Variants in PRKAG2 observed in about 807,000 individuals in gnomAD.
PRKAG2 encodes 5'-AMP-activated protein kinase subunit gamma-2.
PRKAG2 carries 26 observed loss-of-function variants against 69.6 expected under a neutral mutation model. The ratio of observed to expected loss-of-function variants is 0.37; its 90% CI spans 0.27 to 0.52. The LOEUF (loss-of-function observed/expected upper bound fraction) is 0.52. Ranked by LOEUF, PRKAG2 falls within the 20% of genes least tolerant of loss-of-function variation. The probability of loss-of-function intolerance (pLI) is 0.90; values close to 1 mark genes in which losing one functional copy is unlikely to be tolerated. For synonymous variants in PRKAG2, 293 were observed against 285.0 expected, an observed-to-expected ratio of 1.03 and a Z score of -0.28; for missense variants, 557 against 740.0, an observed-to-expected ratio of 0.75 and a Z score of 2.87.
intron 1 of PRKAG2, among the ~76,000 whole-genome samples, chr7:151,815,512 C>A (rs992128237): frequency 4.6e-5 from 7 of 152,152 alleles, no homozygotes; most frequent in African/African-American, 1.7e-4. Context: ...GCCCCTGTAC[C>A]CACAGTCCCC....
At chr7:151,810,217 C>T (rs1458670439) in intron 1 of PRKAG2, 2 of 152,214 alleles carry the variant, frequency 1.3e-5, no homozygotes, top group Non-Finnish European at 2.9e-5. Flanking sequence ...TGTAATTCCA[C>T]CCTCAGTTAA....
At chr7:151,666,499 T>C (rs1234136223) in intron 4 of PRKAG2, among the ~76,000 whole-genome samples, 1 of 152,246 alleles carries the variant, frequency 6.6e-6, no homozygotes, top group East Asian at 1.9e-4. Flanking sequence ...TCTGTTATGA[T>C]AGTCCCAGCA....
chr7:151,717,092 T>A lies in PRKAG2; in HGVS notation c.467-41455A>T, dbSNP rs915539620. On this transcript the variant is annotated intron_variant, in intron 3 of 15. Transcript: ENST00000287878. ...CAAAACCCTGTCTCTACTAAAAGTA[T>A]AAAAATTAGTCGAGTTGGGTGACGC... Among the ~76,000 whole-genome samples, 3 of 151,838 alleles carry A rather than the reference T, an allele frequency of 2.0e-5. No homozygotes were observed. In the South Asian group the frequency reaches 6.3e-4, roughly 32 times the overall value.
intron 3 of PRKAG2, among the ~76,000 whole-genome samples, chr7:151,721,987 A>C (rs571086117): frequency 6.6e-6 from 1 of 152,184 alleles, no homozygotes; most frequent in South Asian, 2.1e-4. Context: ...CTTCCCACAC[A>C]ATCACCTTGC....
intron 3 of PRKAG2, among the ~76,000 whole-genome samples, chr7:151,755,028 C>A (rs1164874488): frequency 6.6e-6 from 1 of 152,078 alleles, no homozygotes; most frequent in South Asian, 2.1e-4. Flanking sequence ...GACAAAGGGG[C>A]GATGGAGACC....
intron 5 of PRKAG2, among the ~76,000 whole-genome samples, chr7:151,624,158 G>C (rs1822252008): frequency 6.8e-6 from 1 of 147,850 alleles, no homozygotes. Context: ...GTGTGTGTGT[G>C]TGTGTGTGTA....
At chr7:151,762,390 T>C (rs2075470076) in intron 3 of PRKAG2, among the ~76,000 whole-genome samples, 1 of 152,148 alleles carries the variant, frequency 6.6e-6, no homozygotes, top group Non-Finnish European at 1.5e-5. Flanking sequence ...TTCTTACATA[T>C]ACGACGTATA....
chr7:151,628,321 G>A (rs1415939893), intron 5 of PRKAG2, among the ~76,000 whole-genome samples: 1 of 152,162 alleles, frequency 6.6e-6, no homozygotes, highest in Non-Finnish European at 1.5e-5. Flanking sequence ...GCTTGGTCCT[G>A]GCCAGTAAGT....
chr7:151,660,145 G>C (rs540278629), intron 4 of PRKAG2, among the ~76,000 whole-genome samples: 1 of 152,284 alleles, frequency 6.6e-6, no homozygotes, highest in Non-Finnish European at 1.5e-5. Context: ...AGTATTATTA[G>C]ATCTGAGTAG....
At chr7:151,636,762 T>G (rs1825804296) in intron 4 of PRKAG2, among the ~76,000 whole-genome samples, 1 of 152,166 alleles carries the variant, frequency 6.6e-6, no homozygotes, top group African/African-American at 2.4e-5. Flanking sequence ...TGGAGTGCAG[T>G]AGCGCGATTT....
chr7:151,559,408 G>T, intron 15 of PRKAG2: 1 of 985,378 alleles, frequency 1.0e-6, no homozygotes, highest in Non-Finnish European at 1.2e-6. Flanking sequence ...CTTGAAGTTT[G>T]CAAGTGACTG....
intron 1 of PRKAG2, among the ~76,000 whole-genome samples, chr7:151,786,771 C>T (rs2077032122): frequency 6.6e-6 from 1 of 152,214 alleles, no homozygotes; most frequent in Non-Finnish European, 1.5e-5. Context: ...CATGACCTCC[C>T]AACACCCCAG....
chr7:151,694,549 C>G (rs1253172663), intron 3 of PRKAG2, among the ~76,000 whole-genome samples: 4 of 152,224 alleles, frequency 2.6e-5, no homozygotes, highest in African/African-American at 7.2e-5. Context: ...CTGGCAGTGT[C>G]TGTCCCTTCA....
At chr7:151,690,984 T>G (rs938882722) in intron 3 of PRKAG2, among the ~76,000 whole-genome samples, 3 of 152,192 alleles carry the variant, frequency 2.0e-5, no homozygotes, top group Non-Finnish European at 4.4e-5. Context: ...GCTCAACAAG[T>G]AGACAAATCT....
intron 1 of PRKAG2, among the ~76,000 whole-genome samples, chr7:151,803,180 A>C (rs1403833129): frequency 6.6e-6 from 1 of 151,646 alleles, no homozygotes; most frequent in Non-Finnish European, 1.5e-5. Flanking sequence ...TTGGTCTCGA[A>C]CTCCTGACCT....
At chr7:151,702,304 G>A (rs1263150680) in intron 3 of PRKAG2, among the ~76,000 whole-genome samples, 6 of 152,214 alleles carry the variant, frequency 3.9e-5, no homozygotes, top group African/African-American at 1.4e-4. Flanking sequence ...CCCCAAAAGA[G>A]AGAGGAGGCC....
At position 151,568,655 on chromosome 7, in the gene PRKAG2, G is replaced by A. The variant is rs533594479; in HGVS notation, c.1233+61C>T. The A allele has an allele frequency of 5.3e-5, 83 of 1,572,268 alleles. No individual in the cohort carries two copies. The African/African-American group carries it at 1.1e-3, about 20-fold the overall frequency. ...GAGGGTAACAGGAGCCAATTTACTT[G>A]AAGTACATTATTTAATAAGTAAATG... On this transcript the variant is annotated intron_variant, in intron 11 of 15. Transcript: ENST00000287878.
At chr7:151,717,388 G>A (rs192893005) in intron 3 of PRKAG2, among the ~76,000 whole-genome samples, 2 of 152,266 alleles carry the variant, frequency 1.3e-5, no homozygotes, top group East Asian at 3.9e-4. Context: ...GAAACACCTA[G>A]AACTCCACTC....
intron 3 of PRKAG2, among the ~76,000 whole-genome samples, chr7:151,740,423 A>G (rs148048182): frequency 6.6e-6 from 1 of 150,530 alleles, no homozygotes; most frequent in East Asian, 2.0e-4. Context: ...GCTGATACGA[A>G]CCCGAGTTAC....
Sources: allele counts gnomAD v4.1 joint callset (sites outside exome capture counted in the v4.1 genomes callset), GRCh38; gene constraint gnomAD v4.1.1; transcripts MANE v1.5; gene names NCBI Gene and HGNC (gene_info 2026-07-23, HGNC 2026-07-21).